IQGAP2: variants seen among roughly 807,000 people sequenced by gnomAD.
IQGAP2 encodes IQ motif containing GTPase activating protein 2, also known as ras GTPase-activating-like protein IQGAP2.
A neutral mutation model predicts 201.3 loss-of-function variants in IQGAP2; 173 were observed. That is an observed-to-expected ratio of 0.86 (90% CI 0.76 to 0.98). The LOEUF (loss-of-function observed/expected upper bound fraction) is 0.98, where lower values mean the gene tolerates loss of function less well. Among genes scored for constraint, IQGAP2 ranks in the 50% least tolerant of loss-of-function variants. IQGAP2 has a pLI of 0.00. For missense variants in IQGAP2, 1,687 were observed against 1,864.8 expected (o/e 0.90, Z 1.76); for synonymous variants, 675 against 673.9 (o/e 1.00, Z -0.03).
At chr5:76,404,189 G>T (rs1393415279) in intron 1 of IQGAP2, among the ~76,000 whole-genome samples, 1 of 151,672 alleles carries the variant, frequency 6.6e-6, no homozygotes, top group Admixed American at 6.6e-5. Flanking sequence ...TTTCCCCCCC[G>T]CTCCCCTCGC....
chr5:76,670,286 C>T (rs146263450), intron 23 of IQGAP2, among the ~76,000 whole-genome samples: 2,486 of 152,038 alleles, frequency 0.016, 57 homozygotes, highest in African/African-American at 0.056. Context: ...CCAAGACAGG[C>T]GGATCACGAG....
At chr5:76,510,589 C>A (rs1757902628) in intron 2 of IQGAP2, 5 of 489,380 alleles carry the variant, frequency 1.0e-5, no homozygotes, top group South Asian at 4.5e-5. Flanking sequence ...AGGACCCAGA[C>A]AGTGTGCCAT....
chr5:76,491,198 A>T (rs538572936), intron 2 of IQGAP2, among the ~76,000 whole-genome samples: 1 of 152,158 alleles, frequency 6.6e-6, no homozygotes, highest in South Asian at 2.1e-4. Flanking sequence ...GAAACTATTC[A>T]TGTTCTTGTT....
chr5:76,477,972 T>C (rs2150141532), intron 2 of IQGAP2, among the ~76,000 whole-genome samples: 1 of 152,314 alleles, frequency 6.6e-6, no homozygotes, highest in South Asian at 2.1e-4. Context: ...TGTATTTGTG[T>C]TAAGCTAATG....
At chr5:76,615,664 T>A (rs1249367233) in intron 13 of IQGAP2, 1 of 152,084 alleles carries the variant, frequency 6.6e-6, no homozygotes, top group African/African-American at 2.4e-5. Context: ...GTCTAATCAC[T>A]AATATCTTCC....
At chr5:76,687,418 G>GA (rs1745877927) in intron 30 of IQGAP2, among the ~76,000 whole-genome samples, 1 of 152,188 alleles carries the variant, frequency 6.6e-6, no homozygotes, top group Non-Finnish European at 1.5e-5. Flanking sequence ...GTACATATTT[G>GA]AAAAAATCTT....
At chr5:76,430,512 CA>C (rs1752307439) in intron 1 of IQGAP2, among the ~76,000 whole-genome samples, 2 of 152,192 alleles carry the variant, frequency 1.3e-5, no homozygotes, top group African/African-American at 4.8e-5. Context: ...CTCCACAGAA[CA>C]AATGTTCCAA....
chr5:76,687,567 A>ATGG (rs1554086158), intron 30 of IQGAP2, among the ~76,000 whole-genome samples: 1 of 152,138 alleles, frequency 6.6e-6, no homozygotes, highest in East Asian at 1.9e-4. Context: ...ACACAGCAGG[A>ATGG]GGGGAGCAAG....
intron 12 of IQGAP2, chr5:76,609,239 A>G: frequency 6.5e-7 from 1 of 1,535,838 alleles, no homozygotes; most frequent in African/African-American, 1.4e-5. Flanking sequence ...AGGTATTTAG[A>G]ACAGCTTACC....
intron 2 of IQGAP2, among the ~76,000 whole-genome samples, chr5:76,525,560 C>CA (rs1758923407): frequency 6.6e-6 from 1 of 151,736 alleles, no homozygotes; most frequent in Admixed American, 6.6e-5. Flanking sequence ...GGCTGGGTGG[C>CA]AAAATGGAAA....
intron 16 of IQGAP2, among the ~76,000 whole-genome samples, chr5:76,637,857 A>G (rs576083308): frequency 6.6e-6 from 1 of 152,374 alleles, no homozygotes; most frequent in African/African-American, 2.4e-5. Context: ...CCATGTGTCC[A>G]TGTATTGTAC....
intron 16 of IQGAP2, among the ~76,000 whole-genome samples, chr5:76,639,571 G>A (rs535789235): frequency 6.6e-6 from 1 of 152,264 alleles, no homozygotes; most frequent in Admixed American, 6.5e-5. Context: ...GTCATAATAT[G>A]TTTAAAGAGG....
chr5:76,441,853 A>T (rs934687295), intron 1 of IQGAP2, among the ~76,000 whole-genome samples: 4 of 152,234 alleles, frequency 2.6e-5, no homozygotes, highest in African/African-American at 9.6e-5. Flanking sequence ...AGTAGGAGTT[A>T]CAGCAGAATG....
chr5:76,568,595 G>A (rs2150266558), intron 3 of IQGAP2, among the ~76,000 whole-genome samples: 1 of 152,258 alleles, frequency 6.6e-6, no homozygotes, highest in South Asian at 2.1e-4. Flanking sequence ...AGCCCTCTGT[G>A]GTCAAACAAG....
intron 1 of IQGAP2, among the ~76,000 whole-genome samples, chr5:76,452,390 C>A (rs1390411063): frequency 6.6e-6 from 1 of 152,042 alleles, no homozygotes; most frequent in African/African-American, 2.4e-5. Context: ...TCCCTCTACC[C>A]TCCCCCCAGG....
chr5:76,556,219 C>A (rs1743934481), intron 2 of IQGAP2, among the ~76,000 whole-genome samples: 1 of 152,124 alleles, frequency 6.6e-6, no homozygotes, highest in South Asian at 2.1e-4. Context: ...TTGGTTCAAT[C>A]AGGTATGACA....
At chr5:76,515,854 G>A (rs1402337356) in intron 2 of IQGAP2, among the ~76,000 whole-genome samples, 4 of 149,738 alleles carry the variant, frequency 2.7e-5, no homozygotes, top group Non-Finnish European at 4.4e-5. Context: ...TGTCCTCATT[G>A]AGGAACAAGG....
At chr5:76,694,746 C>T (rs977834623) in intron 31 of IQGAP2, among the ~76,000 whole-genome samples, 2 of 152,206 alleles carry the variant, frequency 1.3e-5, no homozygotes, top group South Asian at 2.1e-4. Context: ...AACTAATAGT[C>T]GTTTCCTTAG....
chr5:76,597,257 A>C, intron 9 of IQGAP2, 182 bp from the exon 10 acceptor site: 1 of 608,970 alleles, frequency 1.6e-6, no homozygotes, highest in Non-Finnish European at 2.9e-6. Flanking sequence ...AATTCCAAAG[A>C]TTGGATTAGT....
Sources: allele counts gnomAD v4.1 joint callset (sites outside exome capture counted in the v4.1 genomes callset), GRCh38; gene constraint gnomAD v4.1.1; transcripts MANE v1.5; gene names NCBI Gene and HGNC (gene_info 2026-07-23, HGNC 2026-07-21).